Variants in SHTN1 observed in about 807,000 individuals in gnomAD.
SHTN1 encodes the protein shootin 1.
Under a neutral mutation model 83.1 loss-of-function variants are expected in SHTN1, and 42 were observed. That is an observed-to-expected ratio of 0.51 (90% CI 0.39 to 0.65). The LOEUF (loss-of-function observed/expected upper bound fraction) is 0.65, where lower values mean the gene tolerates loss of function less well. Ranked by LOEUF, SHTN1 falls within the 30% of genes least tolerant of loss-of-function variation. The probability of loss-of-function intolerance (pLI) is 0.00; values close to 1 mark genes in which losing one functional copy is unlikely to be tolerated. For missense variants in SHTN1, 622 were observed against 737.8 expected (o/e 0.84, Z 1.82); for synonymous variants, 224 against 247.7 (o/e 0.90, Z 0.90).
intron 11 of SHTN1, among the ~76,000 whole-genome samples, chr10:116,927,095 T>C (rs569037395): frequency 6.6e-6 from 1 of 152,354 alleles, no homozygotes; most frequent in Admixed American, 6.5e-5. Context: ...TTAATACTTC[T>C]AGTTTAATTA....
chr10:116,966,738 A>C (rs1850409658), intron 3 of SHTN1, among the ~76,000 whole-genome samples: 1 of 152,178 alleles, frequency 6.6e-6, no homozygotes, highest in Non-Finnish European at 1.5e-5. Flanking sequence ...ACCCTAGACC[A>C]AATATTTTAT....
chr10:117,024,511 C>T (rs186681511), intron 2 of SHTN1, among the ~76,000 whole-genome samples: 130 of 151,928 alleles, frequency 8.6e-4, no homozygotes, highest in African/African-American at 3.0e-3. Flanking sequence ...CCCACCACCA[C>T]GCCTGGCTAA....
chr10:116,971,464 G>A (rs185228915), intron 2 of SHTN1, among the ~76,000 whole-genome samples: 31 of 152,144 alleles, frequency 2.0e-4, no homozygotes, highest in South Asian at 2.1e-4. Flanking sequence ...CAACCCAAAC[G>A]GACTACATTA....
intron 1 of SHTN1, among the ~76,000 whole-genome samples, chr10:117,103,311 G>A (rs1000976727): frequency 3.1e-4 from 47 of 151,890 alleles, no homozygotes; most frequent in African/African-American, 4.3e-4. Context: ...GGCTGGTCTC[G>A]AACTCCTGAC....
intron 1 of SHTN1, among the ~76,000 whole-genome samples, chr10:117,094,576 A>C (rs1318960139): frequency 1.3e-5 from 2 of 152,140 alleles, no homozygotes; most frequent in African/African-American, 4.8e-5. Flanking sequence ...CTGACATCTC[A>C]AAGTATTTGT....
chr10:117,082,802 G>T (rs887559347), intron 1 of SHTN1, among the ~76,000 whole-genome samples: 2 of 151,780 alleles, frequency 1.3e-5, no homozygotes, highest in Non-Finnish European at 2.9e-5. Context: ...GGCCTTCTTT[G>T]TCTCTTTTGA....
chr10:116,955,056 G>A (rs1849927797), intron 4 of SHTN1, among the ~76,000 whole-genome samples: 1 of 132,750 alleles, frequency 7.5e-6, no homozygotes, highest in South Asian at 2.4e-4. Flanking sequence ...ACTAGTTCAA[G>A]ATGTTGTTTC....
intron 9 of SHTN1, among the ~76,000 whole-genome samples, chr10:116,933,137 A>G (rs1271631709): frequency 6.6e-6 from 1 of 152,014 alleles, no homozygotes; most frequent in Non-Finnish European, 1.5e-5. Flanking sequence ...CTCTACATAT[A>G]TATCAACATT....
chr10:116,978,892 G>A (rs1403457803), intron 2 of SHTN1, among the ~76,000 whole-genome samples: 1 of 152,162 alleles, frequency 6.6e-6, no homozygotes, highest in African/African-American at 2.4e-5. Context: ...GACCCAATGT[G>A]TCTAGGTCCC....
intron 3 of SHTN1, among the ~76,000 whole-genome samples, chr10:116,964,665 A>T (rs1248172788): frequency 6.6e-6 from 1 of 152,210 alleles, no homozygotes; most frequent in Non-Finnish European, 1.5e-5. Flanking sequence ...AAACAGATTA[A>T]TGGATCTAAT....
At chr10:116,972,238 C>T (rs1262319618) in intron 2 of SHTN1, among the ~76,000 whole-genome samples, 2 of 152,162 alleles carry the variant, frequency 1.3e-5, no homozygotes, top group Non-Finnish European at 2.9e-5. Context: ...GTCTCCCATC[C>T]CCAGCTGTGT....
chr10:117,000,726 C>T (rs1645425441), intron 1 of SHTN1, among the ~76,000 whole-genome samples: 2 of 152,146 alleles, frequency 1.3e-5, no homozygotes, highest in South Asian at 4.1e-4. Context: ...TGGACTATTC[C>T]TCCAATCTTT....
intron 2 of SHTN1, among the ~76,000 whole-genome samples, chr10:116,976,061 C>T (rs1850796126): frequency 6.6e-6 from 1 of 152,186 alleles, no homozygotes; most frequent in African/African-American, 2.4e-5. Flanking sequence ...GAACATCGTG[C>T]TCAGAAGACC....
intron 1 of SHTN1, among the ~76,000 whole-genome samples, chr10:116,980,950 A>G (rs968964872): frequency 2.0e-5 from 3 of 152,238 alleles, no homozygotes; most frequent in Admixed American, 1.3e-4. Context: ...TTGAAGCCAC[A>G]TCCCAAAATA....
intron 16 of SHTN1, among the ~76,000 whole-genome samples, chr10:116,891,249 T>A (rs551074410): frequency 6.6e-6 from 1 of 152,372 alleles, no homozygotes; most frequent in African/African-American, 2.4e-5. Context: ...CCAAACAGTA[T>A]AAAAATGGTT....
intron 13 of SHTN1, among the ~76,000 whole-genome samples, chr10:116,912,190 G>A (rs1181453279): frequency 6.6e-6 from 1 of 152,186 alleles, no homozygotes; most frequent in Non-Finnish European, 1.5e-5. Context: ...AGCTTCTTAG[G>A]ATAAACTGTC....
intron 2 of SHTN1, among the ~76,000 whole-genome samples, chr10:117,036,399 C>T (rs780562876): frequency 6.6e-6 from 1 of 152,184 alleles, no homozygotes; most frequent in Non-Finnish European, 1.5e-5. Flanking sequence ...GTTCCATCAA[C>T]AGATGAATGG....
intron 1 of SHTN1, among the ~76,000 whole-genome samples, chr10:117,085,918 A>AAT (rs1853343932): frequency 8.3e-6 from 1 of 121,108 alleles, no homozygotes; most frequent in Non-Finnish European, 1.6e-5. Context: ...GCTTTGTCTG[A>AAT]TTTTTTTTTT....
intron 13 of SHTN1, 142 bp downstream of exon 13, chr10:116,915,233 T>TG: frequency 1.7e-6 from 1 of 594,408 alleles, no homozygotes; most frequent in Non-Finnish European, 3.0e-6. Context: ...CATGCTTATG[T>TG]GGAAGTAAAA....
Sources: allele counts gnomAD v4.1 joint callset (sites outside exome capture counted in the v4.1 genomes callset), GRCh38; gene constraint gnomAD v4.1.1; transcripts MANE v1.5; gene names NCBI Gene and HGNC (gene_info 2026-07-23, HGNC 2026-07-21).